The following CALN1 variants were observed in gnomAD, a reference collection of about 807,000 sequenced individuals.
CALN1 encodes the protein calcium-binding protein 8.
In CALN1, 17 loss-of-function variants were observed where a neutral mutation model predicts 30.6. The ratio of observed to expected loss-of-function variants is 0.56; its 90% CI spans 0.38 to 0.83. CALN1 has a LOEUF of 0.83. Among genes scored for constraint, CALN1 ranks in the 40% least tolerant of loss-of-function variants. The probability of loss-of-function intolerance (pLI) is 0.00; values close to 1 mark genes in which losing one functional copy is unlikely to be tolerated. For synonymous variants in CALN1, 156 were observed against 131.4 expected (o/e 1.19, Z -1.28); for missense variants, 291 against 354.9 (o/e 0.82, Z 1.45).
intron 3 of CALN1, among the ~76,000 whole-genome samples, chr7:72,158,992 A>G: frequency 6.6e-6 from 1 of 152,030 alleles, no homozygotes; most frequent in East Asian, 1.9e-4. Flanking sequence ...AGCTGGGATT[A>G]CAGGCATAAG....
At chr7:72,144,981 G>C (rs547603508) in intron 3 of CALN1, among the ~76,000 whole-genome samples, 1 of 152,208 alleles carries the variant, frequency 6.6e-6, no homozygotes, top group South Asian at 2.1e-4. Flanking sequence ...AGTGTGTAGA[G>C]GGAAATTTAT....
At chr7:72,184,028 G>C (rs1335931167) in intron 3 of CALN1, among the ~76,000 whole-genome samples, 1 of 152,022 alleles carries the variant, frequency 6.6e-6, no homozygotes. Flanking sequence ...CAACCAGCAG[G>C]GGGCATCCCA....
chr7:72,268,371 C>A (rs1796732603), intron 3 of CALN1, among the ~76,000 whole-genome samples: 1 of 152,166 alleles, frequency 6.6e-6, no homozygotes, highest in Non-Finnish European at 1.5e-5. Context: ...ACTTCATACA[C>A]TTTGTCACCA....
intron 2 of CALN1, among the ~76,000 whole-genome samples, chr7:72,333,673 A>G (rs1304193494): frequency 2.0e-5 from 3 of 148,890 alleles, no homozygotes; most frequent in Non-Finnish European, 4.5e-5. Context: ...CAACATGGGT[A>G]CAGAAAGGGA....
intron 5 of CALN1, among the ~76,000 whole-genome samples, chr7:71,888,166 G>A (rs140443382): frequency 4.6e-4 from 70 of 152,088 alleles, no homozygotes; most frequent in Admixed American, 1.3e-3. Context: ...AGGGTCTGGG[G>A]AACAAAAATG....
At chr7:72,240,059 C>G (rs764519466) in intron 3 of CALN1, among the ~76,000 whole-genome samples, 1 of 152,158 alleles carries the variant, frequency 6.6e-6, no homozygotes, top group African/African-American at 2.4e-5. Context: ...TGGAGAGAAT[C>G]CTAGCCTCAA....
chr7:71,860,663 T>C (rs535513492), intron 5 of CALN1, among the ~76,000 whole-genome samples: 1 of 152,226 alleles, frequency 6.6e-6, no homozygotes, highest in East Asian at 1.9e-4. Context: ...CCATAAAAAA[T>C]GACATGACAT....
At chr7:72,248,772 C>T (rs1171873134) in intron 3 of CALN1, among the ~76,000 whole-genome samples, 8 of 151,756 alleles carry the variant, frequency 5.3e-5, no homozygotes, top group Admixed American at 2.0e-4. Flanking sequence ...GTACATCTTT[C>T]GGGGGACATT....
chr7:72,401,642 A>T (rs1376965608), intron 2 of CALN1, among the ~76,000 whole-genome samples: 1 of 152,184 alleles, frequency 6.6e-6, no homozygotes, highest in Non-Finnish European at 1.5e-5. Flanking sequence ...GAGGCAGGTG[A>T]CACTCAACTG....
At chr7:72,469,648 G>A in the CALN1 span, among the ~76,000 whole-genome samples, 3 of 152,128 alleles carry the variant, frequency 2.0e-5, no homozygotes, top group African/African-American at 4.8e-5. Flanking sequence ...ATCCACCCAC[G>A]TAGGCCTCCC....
chr7:72,332,716 T>C (rs1459612477), intron 2 of CALN1, among the ~76,000 whole-genome samples: 1 of 152,126 alleles, frequency 6.6e-6, no homozygotes, highest in Non-Finnish European at 1.5e-5. Flanking sequence ...GTATTCTTAA[T>C]GCGATCTTTA....
At chr7:71,888,073 G>T (rs888363791) in intron 5 of CALN1, among the ~76,000 whole-genome samples, 1 of 152,210 alleles carries the variant, frequency 6.6e-6, no homozygotes, top group East Asian at 1.9e-4. Flanking sequence ...AGGATCATAG[G>T]GAAGTCTGGG....
intron 2 of CALN1, among the ~76,000 whole-genome samples, chr7:72,293,283 A>C (rs1798619669): frequency 6.6e-6 from 1 of 152,178 alleles, no homozygotes; most frequent in Admixed American, 6.6e-5. Flanking sequence ...GTACTATCAG[A>C]ACCTCAAAGT....
At chr7:72,437,532 G>GTGTGTC (rs1412185890) in intron 1 of CALN1, among the ~76,000 whole-genome samples, 1 of 151,946 alleles carries the variant, frequency 6.6e-6, no homozygotes, top group Non-Finnish European at 1.5e-5. Flanking sequence ...TGGAGTGTGT[G>GTGTGTC]TGTGTGTGTG....
chr7:72,343,567 TA>T (rs1326433133), intron 2 of CALN1, among the ~76,000 whole-genome samples: 1 of 150,744 alleles, frequency 6.6e-6, no homozygotes, highest in African/African-American at 2.4e-5. Context: ...AAAATCAATA[TA>T]ACCAATGGCA....
intron 5 of CALN1, among the ~76,000 whole-genome samples, chr7:71,922,284 C>T (rs889852365): frequency 6.6e-6 from 1 of 151,898 alleles, no homozygotes; most frequent in Non-Finnish European, 1.5e-5. Context: ...CTTGGCATGG[C>T]AATGTGCCTG....
At chr7:72,416,352 C>T (rs1277636125), upstream of CALN1, among the ~76,000 whole-genome samples, 2 of 152,218 alleles carry the variant, frequency 1.3e-5, no homozygotes, top group African/African-American at 4.8e-5. Context: ...CCCTGCTCTG[C>T]AGGAGTAGTC....
chr7:71,809,464 C>CAAAAAAAAAAAAA (rs10682965), intron 6 of CALN1, among the ~76,000 whole-genome samples: 143 of 107,932 alleles, frequency 1.3e-3, no homozygotes, highest in South Asian at 2.2e-3. Context: ...TTTAAATGTT[C>CAAAAAAAAAAAAA]AAAAAAAAAA....
intron 5 of CALN1, among the ~76,000 whole-genome samples, chr7:71,811,298 C>A (rs1361228315): frequency 2.6e-5 from 4 of 152,126 alleles, no homozygotes; most frequent in South Asian, 2.1e-4. Context: ...GCCTTGAACT[C>A]CTGGGCTGAA....
Sources: allele counts gnomAD v4.1 joint callset (sites outside exome capture counted in the v4.1 genomes callset), GRCh38; gene constraint gnomAD v4.1.1; transcripts MANE v1.5; gene names NCBI Gene and HGNC (gene_info 2026-07-23, HGNC 2026-07-21).